The following EYA3 variants were observed in gnomAD, a reference collection of about 807,000 sequenced individuals.
The protein encoded by EYA3 is protein phosphatase EYA3.
Under a neutral mutation model 80.0 loss-of-function variants are expected in EYA3, and 39 were observed. The observed-to-expected ratio is 0.49, with a 90% CI of 0.38 to 0.64. EYA3 has a LOEUF of 0.64. Among genes scored for constraint, EYA3 ranks in the 30% least tolerant of loss-of-function variants. EYA3 has a pLI of 0.00. For synonymous variants in EYA3, 206 were observed against 232.8 expected, an observed-to-expected ratio of 0.88 and a Z score of 1.05; for missense variants, 523 against 676.1, an observed-to-expected ratio of 0.77 and a Z score of 2.51.
chr1:28,053,148 C>A (rs567076106), intron 2 of EYA3, among the ~76,000 whole-genome samples: 1 of 98,090 alleles, frequency 1.0e-5, no homozygotes, highest in Non-Finnish European at 1.9e-5. Flanking sequence ...AATGAGACCC[C>A]GTCTCAAAAA....
At chr1:28,001,165 A>G (rs1343096275) in intron 11 of EYA3, among the ~76,000 whole-genome samples, 1 of 148,926 alleles carries the variant, frequency 6.7e-6, no homozygotes, top group Non-Finnish European at 1.5e-5. Context: ...TATATAATTT[A>G]TATAAACTAT....
intron 1 of EYA3, among the ~76,000 whole-genome samples, chr1:28,063,890 C>T (rs1644732813): frequency 1.3e-5 from 2 of 151,898 alleles, no homozygotes; most frequent in African/African-American, 2.4e-5. Flanking sequence ...AAGCAACCTA[C>T]GGTATATAGT....
rs1161244606 is a variant in EYA3, at chr1:28,073,123, A to T, written c.-68-15029T>A. On this transcript the variant is annotated intron_variant, in intron 1 of 17. Transcript: ENST00000373871. ...AACTATTATATATATATATATATATATATATTTTTTTTTTTTTTTTTTTTT... is the reference window on the plus strand; with the variant it reads ...AACTATTATATATATATATATATATTTATATTTTTTTTTTTTTTTTTTTTT... Among the ~76,000 whole-genome samples the T allele has an allele frequency of 2.0e-3, 82 of 41,084 alleles. 4 individuals are homozygous for T. The highest frequency in any genetic ancestry group is 6.1e-3 in the African/African-American group (50 of 8,184). 27.0% of individuals were successfully genotyped at this position (41,084 alleles called of 152,430 possible).
chr1:28,025,918 C>T (rs1043959271), intron 7 of EYA3, among the ~76,000 whole-genome samples: 1 of 152,124 alleles, frequency 6.6e-6, no homozygotes, highest in African/African-American at 2.4e-5. Context: ...CGCCACCACA[C>T]CCGGCTACTT....
At chr1:28,081,625 C>A (rs1295316373) in intron 1 of EYA3, among the ~76,000 whole-genome samples, 1 of 152,062 alleles carries the variant, frequency 6.6e-6, no homozygotes, top group Non-Finnish European at 1.5e-5. Flanking sequence ...TTTCATCAAT[C>A]TACTAGGAAA....
intron 6 of EYA3, among the ~76,000 whole-genome samples, chr1:28,032,838 G>C (rs752922800): frequency 2.0e-5 from 3 of 152,122 alleles, no homozygotes; most frequent in Non-Finnish European, 4.4e-5. Flanking sequence ...TCAACTCTGA[G>C]ACCATCTTTT....
rs903455292 is a variant in EYA3 at position 27,973,588 on chromosome 1, T to C, written c.*878A>G. 16 of 152,144 alleles carry C rather than the reference T, an allele frequency of 1.1e-4. No homozygotes were observed. Among genetic ancestry groups the C allele is most frequent in the African/African-American group, 3.6e-4 (15 of 41,514 alleles). 9.4% of individuals were successfully genotyped at this position (152,144 alleles called of 1,614,324 possible). ...CAAGCTGAAGGAGTTTTTAGGGTTG[T>C]GCCATTTGACTAAAGGGAAAAGGGA... On this transcript the variant is annotated 3_prime_UTR_variant, in exon 18 of 18. Coordinates refer to ENST00000373871, the MANE Select transcript of EYA3 (RefSeq NM_001990.4).
chr1:27,987,503 A>C (rs1460381364), intron 16 of EYA3, among the ~76,000 whole-genome samples: 1 of 152,182 alleles, frequency 6.6e-6, no homozygotes, highest in African/African-American at 2.4e-5. Flanking sequence ...ATTCTCTCAG[A>C]TATTTACGCA....
intron 16 of EYA3, among the ~76,000 whole-genome samples, chr1:27,979,627 T>C (rs963924455): frequency 3.9e-5 from 6 of 152,200 alleles, no homozygotes; most frequent in African/African-American, 1.4e-4. Context: ...TTATATCCCT[T>C]GCTCTTTTTA....
At chr1:28,075,931 T>C (rs1213986894) in intron 1 of EYA3, among the ~76,000 whole-genome samples, 1 of 152,192 alleles carries the variant, frequency 6.6e-6, no homozygotes, top group Non-Finnish European at 1.5e-5. Flanking sequence ...ACATACTTAC[T>C]AACATATCCA....
intron 1 of EYA3, among the ~76,000 whole-genome samples, chr1:28,078,408 T>C (rs562835231): frequency 6.6e-6 from 1 of 152,328 alleles, no homozygotes; most frequent in South Asian, 2.1e-4. Flanking sequence ...TCAGCAAATA[T>C]ACAGAACTCA....
intron 1 of EYA3, among the ~76,000 whole-genome samples, chr1:28,060,393 A>C (rs1644578080): frequency 6.6e-6 from 1 of 152,232 alleles, no homozygotes; most frequent in Non-Finnish European, 1.5e-5. Flanking sequence ...ATAATGAAGA[A>C]TCATTTTAAA....
chr1:28,036,860 T>C (rs1490274609), intron 5 of EYA3, among the ~76,000 whole-genome samples: 2 of 152,088 alleles, frequency 1.3e-5, no homozygotes, highest in South Asian at 2.1e-4. Flanking sequence ...ATTTTTTTTT[T>C]CACCTTTGGG....
At chr1:28,063,698 A>G (rs1285602261) in intron 1 of EYA3, among the ~76,000 whole-genome samples, 2 of 152,194 alleles carry the variant, frequency 1.3e-5, no homozygotes, top group Admixed American at 6.5e-5. Context: ...TGCAAATTTG[A>G]ATTATGAATT....
chr1:27,981,036 C>A (rs982029472), intron 16 of EYA3, among the ~76,000 whole-genome samples: 8 of 152,168 alleles, frequency 5.3e-5, no homozygotes, highest in South Asian at 2.1e-4. Flanking sequence ...GAGTGAGACC[C>A]TGTCTCAAGA....
intron 1 of EYA3, among the ~76,000 whole-genome samples, chr1:28,074,067 G>C (rs1043503751): frequency 1.3e-5 from 2 of 151,980 alleles, no homozygotes; most frequent in Non-Finnish European, 2.9e-5. Flanking sequence ...AAAAACAGTT[G>C]GATCAACAGT....
At chr1:27,976,412 A>G (rs547096298) in intron 17 of EYA3, among the ~76,000 whole-genome samples, 2 of 152,188 alleles carry the variant, frequency 1.3e-5, no homozygotes, top group South Asian at 2.1e-4. Context: ...GTGAGCCAAG[A>G]TCATGCCACT....
In EYA3 at chr1:28,009,739, A is replaced by G. The variant is rs970297435; in HGVS notation, c.909+1208T>C. On this transcript the variant is annotated intron_variant, in intron 10 of 17. Transcript: ENST00000373871. The surrounding 1 kb of genome is among the most constrained non-coding windows in gnomAD (Gnocchi z 4.8). Reference sequence around the variant, plus strand: ...TTTTCTGTGATTCCACTTATATGAGATATCTAGAATAAGAAGTCAAAGACA... The same window carrying G: ...TTTTCTGTGATTCCACTTATATGAGGTATCTAGAATAAGAAGTCAAAGACA... Among the ~76,000 whole-genome samples the G allele has an allele frequency of 6.6e-6, 1 of 152,218 alleles. No individual in the cohort carries two copies. The highest frequency in any genetic ancestry group is 2.4e-5 in the African/African-American group (1 of 41,452).
intron 1 of EYA3, among the ~76,000 whole-genome samples, chr1:28,077,165 G>A (rs1379524269): frequency 2.1e-5 from 3 of 144,498 alleles, no homozygotes; most frequent in Non-Finnish European, 3.0e-5. Flanking sequence ...GTACAGTGGC[G>A]CAATCTCGGC....
Sources: gnomAD v4.1 joint callset for allele counts (sites outside exome capture counted in the v4.1 genomes callset) on GRCh38, gnomAD v4.1.1 for gene constraint, Gnocchi (gnomAD v3.1) non-coding constraint, MANE v1.5 for transcripts, NCBI Gene and HGNC (gene_info 2026-07-23, HGNC 2026-07-21) for gene names.